Variants in LTBP1 observed in about 807,000 individuals in gnomAD.
LTBP1 encodes latent transforming growth factor beta binding protein 1, also known as latent-transforming growth factor beta-binding protein 1.
In LTBP1, 129 loss-of-function variants were observed where a neutral mutation model predicts 207.6. That is an observed-to-expected ratio of 0.62 (90% CI 0.54 to 0.72). The LOEUF is 0.72. Among genes scored for constraint, LTBP1 ranks in the 30% least tolerant of loss-of-function variants. The pLI is 0.00. For synonymous variants in LTBP1, 963 were observed against 833.7 expected (o/e 1.16, Z -2.67); for missense variants, 2,281 against 2,217.2 (o/e 1.03, Z -0.58).
intron 7 of LTBP1, among the ~76,000 whole-genome samples, chr2:33,192,108 G>C (rs1477956044): frequency 6.6e-6 from 1 of 152,176 alleles, no homozygotes; most frequent in East Asian, 1.9e-4. Flanking sequence ...AACAGTACAA[G>C]AAATGGGCAG....
rs150703961 is a variant in LTBP1, at chr2:33,357,548, C to G, written c.4001-3049C>G. On this transcript the variant is annotated intron_variant, in intron 26 of 33. Coordinates refer to ENST00000404816, the MANE Select transcript of LTBP1 (RefSeq NM_206943.4). Reference sequence around the variant, plus strand: ...GTGAGGATGCTGTATTTACCAGCACCTTCTATCTCATATAGTTACCCTCTG... The same window carrying G: ...GTGAGGATGCTGTATTTACCAGCACGTTCTATCTCATATAGTTACCCTCTG... Among the ~76,000 whole-genome samples the G allele has an allele frequency of 9.7e-3, 1,476 of 152,258 alleles. 8 individuals carry two copies. Among genetic ancestry groups the G allele is most frequent in the South Asian group, 0.021 (99 of 4,826 alleles).
intron 2 of LTBP1, among the ~76,000 whole-genome samples, chr2:32,997,672 G>A (rs1295042857): frequency 1.3e-5 from 2 of 152,170 alleles, no homozygotes; most frequent in Non-Finnish European, 2.9e-5. Context: ...AGGGTATCAG[G>A]AGTTGAAGGG....
At chr2:33,071,702 T>C (rs975612430) in intron 3 of LTBP1, among the ~76,000 whole-genome samples, 2 of 152,172 alleles carry the variant, frequency 1.3e-5, no homozygotes, top group African/African-American at 4.8e-5. Context: ...CTCATGCAGA[T>C]AGTAGTTACA....
At chr2:33,013,815 C>G (rs1410310173) in intron 2 of LTBP1, among the ~76,000 whole-genome samples, 1 of 152,144 alleles carries the variant, frequency 6.6e-6, no homozygotes, top group Non-Finnish European at 1.5e-5. Flanking sequence ...TAGAAAACTT[C>G]AAGCTTCCAG....
At chr2:32,982,703 G>T (rs1474735363) in intron 2 of LTBP1, among the ~76,000 whole-genome samples, 1 of 152,210 alleles carries the variant, frequency 6.6e-6, no homozygotes, top group Non-Finnish European at 1.5e-5. Context: ...TCAAGATACA[G>T]CTCGGGCCGT....
chr2:33,360,317 C>T (rs1167209452), intron 26 of LTBP1, among the ~76,000 whole-genome samples: 2 of 152,160 alleles, frequency 1.3e-5, no homozygotes, highest in Non-Finnish European at 2.9e-5. Flanking sequence ...GGAAACTCTA[C>T]TCACAGCCAA....
intron 2 of LTBP1, among the ~76,000 whole-genome samples, chr2:32,953,735 T>A (rs575882353): frequency 6.6e-5 from 10 of 152,318 alleles, no homozygotes; most frequent in African/African-American, 2.4e-4. Flanking sequence ...GAAGCCTGAC[T>A]TGTTGAAAAG....
At chr2:32,969,007 T>C (rs572247377) in intron 2 of LTBP1, among the ~76,000 whole-genome samples, 1 of 151,084 alleles carries the variant, frequency 6.6e-6, no homozygotes, top group Admixed American at 6.6e-5. Context: ...CTCTGCCTCC[T>C]GGGCTCAAGC....
At chr2:33,078,817 TTTTTC>T (rs1160423311) in intron 3 of LTBP1, among the ~76,000 whole-genome samples, 26 of 151,722 alleles carry the variant, frequency 1.7e-4, no homozygotes, top group South Asian at 1.0e-3. Flanking sequence ...GATAGAATAA[TTTTTC>T]TTTTCTTCTC....
chr2:33,008,169 AAAAT>A (rs1687186380), intron 2 of LTBP1, among the ~76,000 whole-genome samples: 1 of 152,204 alleles, frequency 6.6e-6, no homozygotes, highest in African/African-American at 2.4e-5. Context: ...TTGCCTGATG[AAAAT>A]AAAAGTCAAC....
intron 5 of LTBP1, among the ~76,000 whole-genome samples, chr2:33,153,783 A>C (rs1278664694): frequency 2.6e-5 from 4 of 152,248 alleles, no homozygotes; most frequent in Non-Finnish European, 5.9e-5. Context: ...GGAATTAAAG[A>C]AAAGGCCAGA....
intron 7 of LTBP1, among the ~76,000 whole-genome samples, chr2:33,204,163 T>C (rs1390335255): frequency 6.6e-6 from 1 of 152,262 alleles, no homozygotes; most frequent in Admixed American, 6.5e-5. Flanking sequence ...CTGAACCTTC[T>C]CTAAGACCAT....
At chr2:33,095,002 A>G (rs747497258) in intron 3 of LTBP1, among the ~76,000 whole-genome samples, 1 of 152,208 alleles carries the variant, frequency 6.6e-6, no homozygotes, top group East Asian at 1.9e-4. Flanking sequence ...AACTGTTGCT[A>G]TGAAACCAAA....
At chr2:33,044,575 G>A (rs1031404422) in intron 3 of LTBP1, among the ~76,000 whole-genome samples, 8 of 152,010 alleles carry the variant, frequency 5.3e-5, no homozygotes, top group Non-Finnish European at 7.4e-5. Context: ...CAATAAACAC[G>A]TGTGCATGTG....
At position 33,186,142 on chromosome 2, in the gene LTBP1, C is replaced by A. The variant is rs142762470; in HGVS notation, c.1202-714C>A. The stretch of plus-strand genomic sequence containing the variant: ...TTGCAAATTCCTATAAAGTATGATT[C>A]AAACTATTCTACTTATTTGTTCTGG... On this transcript the variant is annotated intron_variant, in intron 5 of 33. Transcript: ENST00000404816. Among the ~76,000 whole-genome samples, 535 of 152,278 alleles carry A rather than the reference C, an allele frequency of 3.5e-3. 3 individuals are homozygous for A. Among genetic ancestry groups the A allele is most frequent in the African/African-American group, 0.012 (507 of 41,566 alleles).
At chr2:33,379,232 CAG>C (rs2095184069) in intron 31 of LTBP1, among the ~76,000 whole-genome samples, 1 of 123,994 alleles carries the variant, frequency 8.1e-6, no homozygotes, top group Non-Finnish European at 1.6e-5. Flanking sequence ...TTTTCCAAGA[CAG>C]AGTCTCATTC....
chr2:33,205,319 G>A (rs1252332016), intron 7 of LTBP1, among the ~76,000 whole-genome samples: 1 of 152,132 alleles, frequency 6.6e-6, no homozygotes, highest in Non-Finnish European at 1.5e-5. Context: ...TTGCTTTTGT[G>A]CCTCGTTTCT....
intron 5 of LTBP1, among the ~76,000 whole-genome samples, chr2:33,163,992 A>G (rs1024458421): frequency 6.6e-6 from 1 of 151,892 alleles, no homozygotes; most frequent in Non-Finnish European, 1.5e-5. Context: ...TAATATGTCT[A>G]GTAAAAGTCA....
intron 3 of LTBP1, among the ~76,000 whole-genome samples, chr2:33,074,149 C>G (rs373211206): frequency 5.3e-5 from 8 of 152,170 alleles, no homozygotes; most frequent in African/African-American, 1.9e-4. Flanking sequence ...TTTGGCTTCA[C>G]AGAATTCTAA....
Sources: allele counts gnomAD v4.1 joint callset (sites outside exome capture counted in the v4.1 genomes callset), GRCh38; gene constraint gnomAD v4.1.1; transcripts MANE v1.5; gene names NCBI Gene and HGNC (gene_info 2026-07-23, HGNC 2026-07-21).